PLOD1: variants seen among roughly 807,000 people sequenced by gnomAD.
PLOD1 encodes lysine hydroxylase.
In PLOD1, 70 loss-of-function variants were observed where a neutral mutation model predicts 94.7. The observed-to-expected ratio is 0.74, with a 90% CI of 0.61 to 0.90. PLOD1 has a LOEUF of 0.90. PLOD1 is among the 40% of genes least tolerant of loss of function. The probability of loss-of-function intolerance (pLI) is 0.00; values close to 1 mark genes in which losing one functional copy is unlikely to be tolerated. For synonymous variants in PLOD1, 417 were observed against 400.2 expected (o/e 1.04, Z -0.50); for missense variants, 905 against 972.7 (o/e 0.93, Z 0.93).
chr1:11,964,327 T>TTGACCGGGGGGGGGGGGGGGGGGG, intron 12 of PLOD1, 27 bp downstream of exon 12: 1 of 546,372 alleles, frequency 1.8e-6, no homozygotes, highest in Non-Finnish European at 3.2e-6. Context: ...TGGGGGTGGG[T>TTGACCGGGGGGGGGGGGGGGGGGG]GGGGGACACC....
At chr1:11,940,535 C>T (rs1471641720) in intron 1 of PLOD1, among the ~76,000 whole-genome samples, 3 of 152,168 alleles carry the variant, frequency 2.0e-5, no homozygotes, top group Admixed American at 2.0e-4. Flanking sequence ...TGTATTATTC[C>T]CATTTTACAG....
chr1:11,950,526 A>C lies in PLOD1; in HGVS notation c.466+6A>C. The C allele has an allele frequency of 6.2e-7, 1 of 1,613,454 alleles. No homozygotes were observed. The highest frequency in any genetic ancestry group is 8.5e-7 in the Non-Finnish European group (1 of 1,179,824). On this transcript the variant is annotated splice_donor_region_variant and intron_variant, in intron 4 of 18. Coordinates refer to ENST00000196061, the MANE Select transcript of PLOD1 (RefSeq NM_000302.4). The stretch of plus-strand genomic sequence containing the variant: ...GAGGTTCCTGGGCTCTGGAGGTGAG[A>C]GGCCTGGGTGCAGGGCGCTTGGCCC...
chr1:11,967,021 C>T lies in PLOD1; in HGVS notation c.1685C>T (p.Thr562Met), dbSNP rs770120389. 66 of 1,613,800 alleles carry T rather than the reference C, an allele frequency of 4.1e-5. No individual in the cohort carries two copies. Among genetic ancestry groups the T allele is most frequent in the Admixed American group, 2.3e-4 (14 of 60,002 alleles). ...CPDVYWFPIFTEVACDELVEE... is the reference protein window; with the variant it reads ...CPDVYWFPIFMEVACDELVEE... The stretch of plus-strand genomic sequence containing the variant: ...GATGTCTATTGGTTCCCCATCTTCA[C>T]GGAGGTGGCCTGTGATGAGCTGGTG... Residue 562 changes from threonine to methionine, a missense_variant, in exon 16 of 19, where the codon ACG becomes ATG. Transcript: ENST00000196061.
intron 1 of PLOD1, among the ~76,000 whole-genome samples, chr1:11,941,780 G>A (rs1645617176): frequency 1.3e-5 from 2 of 152,034 alleles, no homozygotes; most frequent in East Asian, 1.9e-4. Flanking sequence ...CACCGCGCCC[G>A]GACTAGTAGC....
intron 12 of PLOD1, 129 bp downstream of exon 12, chr1:11,964,429 A>G: frequency 1.9e-6 from 2 of 1,079,154 alleles, no homozygotes; most frequent in Non-Finnish European, 2.8e-6. Context: ...GAAGCAAGGA[A>G]GACTTCAGTT....
At chr1:11,937,431 G>C (rs921544584) in intron 1 of PLOD1, among the ~76,000 whole-genome samples, 1 of 152,200 alleles carries the variant, frequency 6.6e-6, no homozygotes, top group Non-Finnish European at 1.5e-5. Flanking sequence ...AGACAGCTCA[G>C]AAAGTCCAGT....
intron 1 of PLOD1, among the ~76,000 whole-genome samples, chr1:11,936,980 T>C (rs988732737): frequency 6.6e-6 from 1 of 152,152 alleles, no homozygotes; most frequent in Non-Finnish European, 1.5e-5. Flanking sequence ...CCCTAGTGGC[T>C]GGGATTACAG....
At position 11,949,159 on chromosome 1, in the gene PLOD1, G is replaced by C. The variant is rs554531584; in HGVS notation, c.169-614G>C. ...CCCAGTTTCTCAACTTCAGCAGAAG[G>C]AGACAGGCTTTCCTTTTTAGGAAAG... On this transcript the variant is annotated intron_variant, in intron 2 of 18. Coordinates refer to ENST00000196061, the MANE Select transcript of PLOD1 (RefSeq NM_000302.4). Among the ~76,000 whole-genome samples the C allele has an allele frequency of 2.0e-5, 3 of 152,290 alleles. No homozygotes were observed. The East Asian group carries it at 5.8e-4, about 29-fold the overall frequency.
At chr1:11,955,927 T>C (rs1645734594) in intron 6 of PLOD1, among the ~76,000 whole-genome samples, 1 of 151,932 alleles carries the variant, frequency 6.6e-6, no homozygotes, top group African/African-American at 2.4e-5. Context: ...TGCCCAGCCC[T>C]ATTTTAATTT....
chr1:11,971,224 T>G (rs1306286712), intron 17 of PLOD1, among the ~76,000 whole-genome samples: 8 of 20,342 alleles, frequency 3.9e-4, no homozygotes, highest in South Asian at 2.3e-3. Flanking sequence ...TAGGGTGGAG[T>G]GGGGGGCTTG....
chr1:11,966,803 G>A (rs1297355677), intron 15 of PLOD1, among the ~76,000 whole-genome samples, 184 bp from the exon 16 acceptor site: 4 of 152,088 alleles, frequency 2.6e-5, no homozygotes, highest in Admixed American at 6.5e-5. Context: ...CTGTGACCTC[G>A]GCTGGGAAAG....
intron 16 of PLOD1, 126 bp from the exon 17 acceptor site, chr1:11,970,544 C>T: frequency 1.1e-6 from 1 of 879,716 alleles, no homozygotes; most frequent in Non-Finnish European, 1.8e-6. Context: ...ATTGTATCTG[C>T]AAAGCCTGTT....
At position 11,956,993 on chromosome 1, in the gene PLOD1, C is replaced by A. The variant is rs770749842; in HGVS notation, c.720C>A (p.Ile240=). The part of the protein sequence containing the change: ...NLAYDTLPVL[I]HGNGPTKLQL... The stretch of plus-strand genomic sequence containing the variant: ...CCTATGACACCCTCCCGGTCCTGAT[C>A]CATGGCAACGGGCCAACCAAGGTAG... Residue 240 remains isoleucine, a synonymous_variant, in exon 7 of 19, where the codon ATC becomes ATA. Coordinates refer to ENST00000196061, the MANE Select transcript of PLOD1 (RefSeq NM_000302.4). The A allele has an allele frequency of 5.0e-6, 8 of 1,612,950 alleles. No homozygotes were observed.
At chr1:11,961,264 G>T (rs553892195) in intron 10 of PLOD1, among the ~76,000 whole-genome samples, 1 of 151,988 alleles carries the variant, frequency 6.6e-6, no homozygotes, top group Non-Finnish European at 1.5e-5. Context: ...TTGAACCTGG[G>T]GTCCCAGCTA....
chr1:11,966,821 C>T (rs571354974), intron 15 of PLOD1, among the ~76,000 whole-genome samples, 166 bp from the exon 16 acceptor site: 1 of 152,284 alleles, frequency 6.6e-6, no homozygotes, highest in African/African-American at 2.4e-5. Flanking sequence ...AAGTCTGTCT[C>T]TGGGCTCTGC....
chr1:11,935,021 C>T (rs562358476), intron 1 of PLOD1, among the ~76,000 whole-genome samples, 166 bp downstream of exon 1: 1 of 152,328 alleles, frequency 6.6e-6, no homozygotes, highest in South Asian at 2.1e-4. Context: ...ATCACTTCCC[C>T]TCTTGGGGCT....
chr1:11,954,901 G>A lies in PLOD1; in HGVS notation c.643+8G>A. Reference sequence around the variant, plus strand: ...ACCTGGATGGAGCCTTGGGTGAGCAGCCCCCACGGGGAGGGGTGGATCCTC... The same window carrying A: ...ACCTGGATGGAGCCTTGGGTGAGCAACCCCCACGGGGAGGGGTGGATCCTC... On this transcript the variant is annotated splice_region_variant and intron_variant, in intron 6 of 18. Transcript: ENST00000196061. 1.9e-6 allele frequency: 3 copies of A among 1,606,752 alleles called. No homozygotes were observed. Among genetic ancestry groups the A allele is most frequent in the Non-Finnish European group, 2.6e-6 (3 of 1,173,328 alleles).
At position 11,954,842 on chromosome 1, in the gene PLOD1, A is replaced by G; in HGVS notation, c.592A>G (p.Ile198Val). Residue 198 changes from isoleucine (I) to valine (V), a missense_variant, in exon 6 of 19, where the codon ATC becomes GTC. Transcript: ENST00000196061. ...LDPEKREQIN[I>V]TLDHRCRIFQ... Reference sequence around the variant, plus strand: ...TTCTTTCCTGCAGGAGCAGATCAATATCACCCTGGACCACCGCTGCCGTAT... The same window carrying G: ...TTCTTTCCTGCAGGAGCAGATCAATGTCACCCTGGACCACCGCTGCCGTAT... 2 of 1,613,718 alleles carry G rather than the reference A, an allele frequency of 1.2e-6. No individual in the cohort carries two copies. Among genetic ancestry groups the G allele is most frequent in the Admixed American group, 1.7e-5 (1 of 60,014 alleles).
At position 11,964,803 on chromosome 1, in the gene PLOD1, A is replaced by G. The variant is rs545524491; in HGVS notation, c.1470+18A>G. 2.1e-5 allele frequency: 34 copies of G among 1,613,184 alleles called. No individual in the cohort carries two copies. Among genetic ancestry groups the G allele is most frequent in the South Asian group, 2.0e-4 (18 of 91,076 alleles). ...GGCAGCAGGTCAGCCAGGAGCGGGC[A>G]GCACAGGACGCCCTCTGGATGGGGC... On this transcript the variant is annotated intron_variant, in intron 13 of 18. Coordinates refer to ENST00000196061, the MANE Select transcript of PLOD1 (RefSeq NM_000302.4).
Sources: allele counts gnomAD v4.1 joint callset (sites outside exome capture counted in the v4.1 genomes callset), GRCh38; gene constraint gnomAD v4.1.1; transcripts MANE v1.5; gene names NCBI Gene and HGNC (gene_info 2026-07-23, HGNC 2026-07-21).